Variants in CSMD1 observed in about 807,000 individuals in gnomAD.
The protein encoded by CSMD1 is CUB and Sushi multiple domains 1.
Under a neutral mutation model 417.5 loss-of-function variants are expected in CSMD1, and 213 were observed. The observed-to-expected ratio is 0.51, with a 90% CI of 0.46 to 0.57. The LOEUF (loss-of-function observed/expected upper bound fraction) is 0.57. Among genes scored for constraint, CSMD1 ranks in the 20% least tolerant of loss-of-function variants. The pLI is 0.00. For synonymous variants in CSMD1, 2,862 were observed against 1,736.8 expected (o/e 1.65, Z -16.11); for missense variants, 6,923 against 4,529.7 (o/e 1.53, Z -15.17).
At chr8:3,851,386 C>G (rs1212259405) in intron 5 of CSMD1, among the ~76,000 whole-genome samples, 1 of 152,172 alleles carries the variant, frequency 6.6e-6, no homozygotes. Context: ...CTTTTGTTAT[C>G]TCTTTTGGCA....
chr8:3,009,016 G>T (rs1172084609), intron 52 of CSMD1, among the ~76,000 whole-genome samples: 1 of 152,204 alleles, frequency 6.6e-6, no homozygotes, highest in Non-Finnish European at 1.5e-5. Flanking sequence ...AAGTTCCACT[G>T]TTTCACTTCT....
intron 47 of CSMD1, among the ~76,000 whole-genome samples, chr8:3,094,466 C>A (rs1012331715): frequency 6.6e-6 from 1 of 152,082 alleles, no homozygotes; most frequent in Non-Finnish European, 1.5e-5. Context: ...TTCTCTTTGT[C>A]TAAAATGTAA....
chr8:4,369,811 C>A (rs563421219), intron 3 of CSMD1, among the ~76,000 whole-genome samples: 1 of 152,062 alleles, frequency 6.6e-6, no homozygotes, highest in Non-Finnish European at 1.5e-5. Context: ...CCCTTTACTT[C>A]GAGACTATGG....
At chr8:4,161,554 G>A (rs1465060446) in intron 3 of CSMD1, among the ~76,000 whole-genome samples, 1 of 152,154 alleles carries the variant, frequency 6.6e-6, no homozygotes, top group African/African-American at 2.4e-5. Context: ...CCTACTACTT[G>A]ACATTGTTTT....
intron 2 of CSMD1, among the ~76,000 whole-genome samples, chr8:4,531,056 ACT>A (rs1267400224): frequency 6.6e-6 from 1 of 151,872 alleles, no homozygotes; most frequent in Non-Finnish European, 1.5e-5. Context: ...ATTGTATGAT[ACT>A]CTATCATTTT....
chr8:3,232,140 C>T (rs1429007505), intron 26 of CSMD1, among the ~76,000 whole-genome samples: 2 of 152,192 alleles, frequency 1.3e-5, no homozygotes, highest in African/African-American at 4.8e-5. Context: ...ATATCACCTT[C>T]TTCCTCCACT....
intron 23 of CSMD1, among the ~76,000 whole-genome samples, chr8:3,323,337 C>G (rs978096092): frequency 6.6e-6 from 1 of 152,014 alleles, no homozygotes; most frequent in Non-Finnish European, 1.5e-5. Context: ...CAAGTCTTAC[C>G]TCTAAATAAA....
intron 3 of CSMD1, among the ~76,000 whole-genome samples, chr8:4,340,102 C>G (rs1800391450): frequency 6.6e-6 from 1 of 152,092 alleles, no homozygotes; most frequent in South Asian, 2.1e-4. Flanking sequence ...TTAGAGTTAA[C>G]CTTAGAAGTT....
intron 2 of CSMD1, among the ~76,000 whole-genome samples, chr8:4,480,175 A>G (rs1263332944): frequency 1.4e-5 from 2 of 141,582 alleles, no homozygotes; most frequent in African/African-American, 2.8e-5. Flanking sequence ...ACGAGAGTGC[A>G]TTGTTATCTC....
At position 4,657,675 on chromosome 8, in the gene CSMD1, A is replaced by G. The variant is rs539797936; in HGVS notation, c.86-20117T>C. Among the ~76,000 whole-genome samples the G allele has an allele frequency of 5.3e-5, 8 of 152,014 alleles. No homozygotes were observed. In the East Asian group the frequency reaches 1.5e-3, roughly 29 times the overall value. ...AAACATGGCCAGTTCTCAAAAAATC[A>G]TAAAACATTAACAAAAAGAAAATAT... On this transcript the variant is annotated intron_variant, in intron 1 of 69. Transcript: ENST00000635120.
chr8:3,515,482 T>C (rs1380808333), intron 10 of CSMD1: 1 of 148,798 alleles, frequency 6.7e-6, no homozygotes, highest in Non-Finnish European at 1.5e-5. Flanking sequence ...ATTTCCTTGT[T>C]TGTTCACAAG....
At chr8:3,975,147 G>C (rs1235326452) in intron 5 of CSMD1, among the ~76,000 whole-genome samples, 1 of 152,158 alleles carries the variant, frequency 6.6e-6, no homozygotes. Flanking sequence ...ATGCAAACGA[G>C]AGGCATGCCT....
chr8:4,280,640 T>C (rs1475602014), intron 3 of CSMD1, among the ~76,000 whole-genome samples: 1 of 152,200 alleles, frequency 6.6e-6, no homozygotes. Context: ...TGTAAATAAA[T>C]TTTAAGGCTT....
chr8:3,569,175 A>G lies in CSMD1; in HGVS notation c.1344+5770T>C, dbSNP rs553836491. Among the ~76,000 whole-genome samples the G allele has an allele frequency of 8.5e-5, 13 of 152,302 alleles. No individual in the cohort carries two copies. In the East Asian group the frequency reaches 2.5e-3, roughly 29 times the overall value. On this transcript the variant is annotated intron_variant, in intron 10 of 69. Transcript: ENST00000635120. The stretch of plus-strand genomic sequence containing the variant: ...AAGGAATCTTCTTGAGAGGCCTTTC[A>G]TTTTATAACTTCCTGAATAGAAAAT...
intron 4 of CSMD1, among the ~76,000 whole-genome samples, chr8:4,015,999 C>G (rs1402536182): frequency 6.6e-6 from 1 of 152,156 alleles, no homozygotes; most frequent in East Asian, 1.9e-4. Context: ...TCAGAGCTGG[C>G]CTTATCAGCC....
intron 3 of CSMD1, among the ~76,000 whole-genome samples, chr8:4,163,904 G>C (rs949600440): frequency 6.6e-6 from 1 of 152,124 alleles, no homozygotes; most frequent in African/African-American, 2.4e-5. Context: ...TCAAGGTTTG[G>C]TTACTCGTTA....
intron 50 of CSMD1, among the ~76,000 whole-genome samples, chr8:3,049,556 G>A (rs181129309): frequency 7.9e-5 from 12 of 152,218 alleles, no homozygotes; most frequent in Non-Finnish European, 1.6e-4. Flanking sequence ...AAAGATCAAG[G>A]TCAGTGTTTG....
intron 25 of CSMD1, 160 bp from the exon 26 acceptor site, chr8:3,284,506 A>T: frequency 1.6e-6 from 1 of 626,324 alleles, no homozygotes; most frequent in East Asian, 2.8e-5. Context: ...AATGAGGCTC[A>T]CCGAAGATAA....
At chr8:3,356,452 A>T (rs1442843960) in intron 21 of CSMD1, among the ~76,000 whole-genome samples, 1 of 152,196 alleles carries the variant, frequency 6.6e-6, no homozygotes, top group East Asian at 1.9e-4. Context: ...CAAGGCGGGC[A>T]CATCACATGG....
Sources: allele counts gnomAD v4.1 joint callset (sites outside exome capture counted in the v4.1 genomes callset), GRCh38; gene constraint gnomAD v4.1.1; transcripts MANE v1.5; gene names NCBI Gene and HGNC (gene_info 2026-07-23, HGNC 2026-07-21).